PATJ: variants seen among roughly 807,000 people sequenced by gnomAD.
PATJ encodes the protein inaD-like protein.
PATJ carries 190 observed loss-of-function variants against 224.9 expected under a neutral mutation model. The ratio of observed to expected loss-of-function variants is 0.84; its 90% CI spans 0.75 to 0.95. The LOEUF is 0.95. Ranked by LOEUF, PATJ falls within the 40% of genes least tolerant of loss-of-function variation. PATJ has a pLI of 0.00. For synonymous variants in PATJ, 769 were observed against 820.3 expected, an observed-to-expected ratio of 0.94 and a Z score of 1.07; for missense variants, 2,121 against 2,270.3, an observed-to-expected ratio of 0.93 and a Z score of 1.34.
intron 14 of PATJ, among the ~76,000 whole-genome samples, chr1:61,808,935 G>A (rs916041902): frequency 2.6e-5 from 4 of 152,058 alleles, no homozygotes; most frequent in South Asian, 2.1e-4. Context: ...TGCAGTGTGC[G>A]TTAGTTTTTT....
chr1:62,108,331 T>G, intron 33 of PATJ, 106 bp from the exon 34 acceptor site: 1 of 546,250 alleles, frequency 1.8e-6, no homozygotes, highest in Non-Finnish European at 3.2e-6. Flanking sequence ...TCAGATAAAA[T>G]ATAACATTAT....
Position 62,079,550 on chromosome 1 carries a change from C to T in PATJ, c.4226C>T (p.Ala1409Val), listed in dbSNP as rs1218542478. The stretch of plus-strand genomic sequence containing the variant: ...GCTTCATCATACCATTCAACAGATG[C>T]AGACTTCACAGGCTATGGTATGATT... ...APASSYHSTDADFTGYGGFQA... is the reference protein window; with the variant it reads ...APASSYHSTDVDFTGYGGFQA... Residue 1409 changes from alanine (A) to valine (V), a missense_variant, in exon 32 of 44, where the codon GCA becomes GTA. Physicochemically the swap from Ala to Val is moderately conservative, Grantham distance 64. Transcript: ENST00000642238. The T allele has an allele frequency of 2.1e-5, 33 of 1,594,198 alleles. No homozygotes were observed. The highest frequency in any genetic ancestry group is 2.8e-5 in the Non-Finnish European group (32 of 1,162,210).
At position 61,952,218 on chromosome 1, in the gene PATJ, T is replaced by C. The variant is rs142273914; in HGVS notation, c.3670+24389T>C. 653 of 506,360 alleles carry C rather than the reference T, an allele frequency of 1.3e-3. 2 individuals carry two copies. The highest frequency in any genetic ancestry group is 1.5e-3 in the Non-Finnish European group (423 of 279,712). The allele number at this position is 506,360 out of a possible 1,614,324, so 31.4% of individuals were successfully genotyped here. A position where few individuals can be genotyped will look rare whatever the true frequency, so the allele number is the denominator to read the frequency against. On this transcript the variant is annotated intron_variant, in intron 27 of 43. Transcript: ENST00000642238. ...AATTGATTGCTTTTCCTGATATAAA[T>C]AGATTGACAGGTTGCCCTTAAAGAG...
chr1:61,794,661 T>C (rs1320657283), intron 9 of PATJ, among the ~76,000 whole-genome samples: 1 of 151,926 alleles, frequency 6.6e-6, no homozygotes, highest in Non-Finnish European at 1.5e-5. Flanking sequence ...CTCATACTAA[T>C]TTGTTGTTGT....
chr1:62,100,816 C>T (rs552592432), intron 33 of PATJ, among the ~76,000 whole-genome samples: 49 of 152,256 alleles, frequency 3.2e-4, no homozygotes, highest in African/African-American at 1.1e-3. Context: ...TGGGAGGTGG[C>T]GCAAGACATA....
Position 61,884,344 on chromosome 1 carries a change from C to A in PATJ, c.3067C>A (p.Arg1023=). ...GCCTTTATATCAACACCAAGCGACA[C>A]GAGTTATTTCCAAGGCCTCAGCATA... is the stretch of plus-strand genomic sequence containing the variant. ...DLPLYQHQAT[R]VISKASAYTG... The change falls in exon 22 of 44, where the codon CGA becomes AGA. Residue 1023 remains arginine (R), a synonymous_variant. Coordinates refer to ENST00000642238, the MANE Select transcript of PATJ (RefSeq NM_001350145.3). 1 of 1,612,984 alleles carries A rather than the reference C, an allele frequency of 6.2e-7. No homozygotes were observed. The highest frequency in any genetic ancestry group is 8.5e-7 in the Non-Finnish European group (1 of 1,179,640).
chr1:62,058,690 T>C (rs1422612924), intron 31 of PATJ, among the ~76,000 whole-genome samples: 1 of 152,252 alleles, frequency 6.6e-6, no homozygotes, highest in Non-Finnish European at 1.5e-5. Flanking sequence ...CTATCATTAA[T>C]ACCAGATTTT....
At chr1:61,921,556 T>C (rs1674341875) in intron 26 of PATJ, among the ~76,000 whole-genome samples, 1 of 152,226 alleles carries the variant, frequency 6.6e-6, no homozygotes, top group African/African-American at 2.4e-5. Context: ...GTCAATCTTT[T>C]AGAGGTACAA....
At chr1:61,934,670 T>C (rs1676563879) in intron 27 of PATJ, among the ~76,000 whole-genome samples, 1 of 152,166 alleles carries the variant, frequency 6.6e-6, no homozygotes, top group Admixed American at 6.5e-5. Flanking sequence ...TAACAAAATA[T>C]CATTTTAATG....
chr1:62,076,357 CAG>C (rs36057996), intron 31 of PATJ, among the ~76,000 whole-genome samples: 51,347 of 151,796 alleles, frequency 0.34, 9,350 homozygotes, highest in Non-Finnish European at 0.42. Context: ...TATTATGAAA[CAG>C]GGTTGAAAAC....
chr1:61,775,155 A>G, intron 6 of PATJ, 51 bp from the exon 7 acceptor site: 1 of 1,538,808 alleles, frequency 6.5e-7, no homozygotes, highest in Non-Finnish European at 8.7e-7. Context: ...GAAAGCTAAG[A>G]ACCTGTGTGT....
chr1:62,129,986 C>T (rs1666099871), intron 41 of PATJ, among the ~76,000 whole-genome samples: 1 of 152,032 alleles, frequency 6.6e-6, no homozygotes, highest in African/African-American at 2.4e-5. Context: ...ATAAAGCCCA[C>T]CACTTACTAC....
chr1:61,894,361 T>G (rs924065751), intron 22 of PATJ, among the ~76,000 whole-genome samples: 1 of 152,202 alleles, frequency 6.6e-6, no homozygotes, highest in Non-Finnish European at 1.5e-5. Flanking sequence ...AGGTACAATC[T>G]GATATGGGTT....
At chr1:62,015,597 A>G (rs1009831731) in intron 28 of PATJ, among the ~76,000 whole-genome samples, 3 of 152,014 alleles carry the variant, frequency 2.0e-5, no homozygotes, top group African/African-American at 7.2e-5. Context: ...CAGTGGCGCA[A>G]TCTCGGCTTG....
chr1:61,982,854 G>A (rs1644525555), intron 27 of PATJ, among the ~76,000 whole-genome samples: 1 of 151,842 alleles, frequency 6.6e-6, no homozygotes, highest in Non-Finnish European at 1.5e-5. Context: ...AACTTCATTG[G>A]CTTCAAGTAT....
intron 33 of PATJ, among the ~76,000 whole-genome samples, chr1:62,094,759 G>A (rs1364406089): frequency 3.3e-5 from 5 of 152,114 alleles, no homozygotes; most frequent in Admixed American, 6.6e-5. Flanking sequence ...AAAACAGTAG[G>A]TACTGAACAT....
chr1:62,084,121 G>A (rs935645562), intron 32 of PATJ, among the ~76,000 whole-genome samples: 6 of 152,194 alleles, frequency 3.9e-5, no homozygotes, highest in African/African-American at 9.7e-5. Context: ...AGGCATGGTG[G>A]TGGGTGCCTG....
At chr1:61,985,346 T>A (rs1015437858) in intron 27 of PATJ, among the ~76,000 whole-genome samples, 1 of 151,396 alleles carries the variant, frequency 6.6e-6, no homozygotes, top group Non-Finnish European at 1.5e-5. Flanking sequence ...AAAGTCAGAA[T>A]AATAAATCTA....
intron 33 of PATJ, among the ~76,000 whole-genome samples, chr1:62,104,512 G>A (rs1409479734): frequency 6.6e-6 from 1 of 151,902 alleles, no homozygotes; most frequent in East Asian, 1.9e-4. Flanking sequence ...CAGCTTCATA[G>A]ACTACAGGGG....
Sources: allele counts gnomAD v4.1 joint callset (sites outside exome capture counted in the v4.1 genomes callset), GRCh38; gene constraint gnomAD v4.1.1; transcripts MANE v1.5; gene names NCBI Gene and HGNC (gene_info 2026-07-23, HGNC 2026-07-21).